The following RIMBP2 variants were observed in gnomAD, a reference collection of about 807,000 sequenced individuals.
RIMBP2 encodes RIMS binding protein 2.
In RIMBP2, 48 loss-of-function variants were observed where a neutral mutation model predicts 118.6. That is an observed-to-expected ratio of 0.40 (90% CI 0.32 to 0.51). The LOEUF (loss-of-function observed/expected upper bound fraction) is 0.51, where lower values mean the gene tolerates loss of function less well. RIMBP2 is among the 20% of genes least tolerant of loss of function. The pLI, the probability that RIMBP2 is intolerant of heterozygous loss-of-function variation, is 0.41. For synonymous variants in RIMBP2, 762 were observed against 742.9 expected (o/e 1.03, Z -0.42); for missense variants, 1,551 against 1,768.3 (o/e 0.88, Z 2.20).
At chr12:130,595,210 A>T (rs1356481426) in intron 2 of RIMBP2, among the ~76,000 whole-genome samples, 1 of 152,138 alleles carries the variant, frequency 6.6e-6, no homozygotes, top group Non-Finnish European at 1.5e-5. Context: ...CATCTCTCTC[A>T]GCAAACCATG....
chr12:130,418,322 G>GA (rs2076218724), intron 17 of RIMBP2, among the ~76,000 whole-genome samples: 1 of 152,150 alleles, frequency 6.6e-6, no homozygotes, highest in Admixed American at 6.5e-5. Flanking sequence ...GATAGTCCAT[G>GA]AAAAAACCTG....
At chr12:130,705,622 G>A (rs2632607) in intron 1 of RIMBP2, among the ~76,000 whole-genome samples, 85,655 of 152,176 alleles carry the variant, frequency 0.56, 27,559 homozygotes, top group Non-Finnish European at 0.74. Context: ...CGGTTCTCAC[G>A]CCTCTCCTGC....
At position 130,454,670 on chromosome 12, in the gene RIMBP2, T is replaced by C. The variant is rs376765927; in HGVS notation, c.358+1826A>G. Among the ~76,000 whole-genome samples the C allele has an allele frequency of 5.8e-3, 882 of 152,388 alleles. 8 individuals carry two copies. The highest frequency in any genetic ancestry group is 0.02 in the African/African-American group (847 of 41,594). On this transcript the variant is annotated intron_variant, in intron 7 of 22. Transcript: ENST00000690449. Reference sequence around the variant, plus strand: ...TCTCTGCCAGGCGGCCCTGGCTTAGTAAAGGCATGGTACCACTTTGTTTTT... The same window carrying C: ...TCTCTGCCAGGCGGCCCTGGCTTAGCAAAGGCATGGTACCACTTTGTTTTT...
At position 130,646,435 on chromosome 12, in the gene RIMBP2, CTCCCTT is replaced by C; in HGVS notation, c.-351-17985_-351-17980del. Among the ~76,000 whole-genome samples, 25 of 126,110 alleles carry C rather than the reference CTCCCTT, an allele frequency of 2.0e-4. 10 individuals carry two copies. The highest frequency in any genetic ancestry group is 2.0e-4 in the Non-Finnish European group (11 of 55,214). The allele number at this position is 126,110 out of a possible 152,430, so 82.7% of individuals were successfully genotyped here. On this transcript the variant is annotated intron_variant, in intron 1 of 22. Coordinates refer to ENST00000690449, the MANE Select transcript of RIMBP2 (RefSeq NM_001393629.1). ...CCTCCCTCACCACTTCCCTCTCCACCTCCCTTGCCACCTCCCTCGCCACCTCCCTCG... is the reference window on the plus strand; with the variant it reads ...CCTCCCTCACCACTTCCCTCTCCACCGCCACCTCCCTCGCCACCTCCCTCG...
chr12:130,553,528 G>A (rs1347098227), intron 2 of RIMBP2, among the ~76,000 whole-genome samples: 2 of 152,094 alleles, frequency 1.3e-5, no homozygotes, highest in Non-Finnish European at 2.9e-5. Context: ...TGGATTGCTT[G>A]AGCCCAGGAG....
rs767555020 is a variant in RIMBP2 at position 130,538,472 on chromosome 12, G to A, written c.-216-20555C>T. ...AAGAAAGATCACACAGAGAATCCCC[G>A]AATCCACTCAACACTCCTCCAGCAC... is the stretch of plus-strand genomic sequence containing the variant. On this transcript the variant is annotated intron_variant, in intron 2 of 22. Coordinates refer to ENST00000690449, the MANE Select transcript of RIMBP2 (RefSeq NM_001393629.1). Among the ~76,000 whole-genome samples, 9 of 151,886 alleles carry A rather than the reference G, an allele frequency of 5.9e-5. No individual in the cohort carries two copies. In the South Asian group the frequency reaches 8.3e-4, roughly 14 times the overall value.
intron 11 of RIMBP2, among the ~76,000 whole-genome samples, chr12:130,439,861 GTCTGTGGGTGTGTGTATGTGGGTA>G (rs2077963583): frequency 7.0e-6 from 1 of 143,016 alleles, no homozygotes; most frequent in African/African-American, 2.7e-5. Context: ...CTGTGGGGGT[GTCTGTGGGTGTGTGTATGTGGGTA>G]TGTGTATGTG....
At chr12:130,425,955 G>C (rs1474409703) in intron 15 of RIMBP2, 1 of 152,294 alleles carries the variant, frequency 6.6e-6, no homozygotes, top group East Asian at 1.9e-4. Flanking sequence ...GGAGGCATCG[G>C]GGCACACACT....
chr12:130,650,958 T>TTAAAA (rs1555318449), intron 1 of RIMBP2, among the ~76,000 whole-genome samples: 9 of 125,628 alleles, frequency 7.2e-5, no homozygotes, highest in African/African-American at 1.8e-4. Context: ...TTGTTTTTTT[T>TTAAAA]AAAAAAAAAA....
intron 4 of RIMBP2, among the ~76,000 whole-genome samples, chr12:130,491,965 C>T (rs1452217054): frequency 1.3e-5 from 2 of 152,182 alleles, no homozygotes; most frequent in African/African-American, 4.8e-5. Flanking sequence ...GGATGTGACA[C>T]GGAACGAACG....
At chr12:130,694,353 C>T (rs1012024761) in intron 1 of RIMBP2, among the ~76,000 whole-genome samples, 7 of 152,210 alleles carry the variant, frequency 4.6e-5, no homozygotes, top group Non-Finnish European at 7.3e-5. Flanking sequence ...TCTCTCCCTA[C>T]CTAGGAGGCA....
At position 130,450,598 on chromosome 12, in the gene RIMBP2, CAT is replaced by C. The variant is rs2137355691; in HGVS notation, c.505-324_505-323del. 6.6e-6 allele frequency among the ~76,000 whole-genome samples: 1 copy of C among 152,056 alleles called. No individual in the cohort carries two copies. The highest frequency in any genetic ancestry group is 2.1e-4 in the South Asian group (1 of 4,804). ...GGGAGTCAGCGGCGTGGCCTTTTCT[CAT>C]AGGGGTGGGGGTAAAATTAAGCAGT... On this transcript the variant is annotated intron_variant, in intron 8 of 22. Transcript: ENST00000690449. This position sits in a 1 kb window ranked among gnomAD's most constrained non-coding sequence, Gnocchi z 4.8.
intron 6 of RIMBP2, 58 bp from the exon 7 acceptor site, chr12:130,456,758 G>GAACAGGCGCACACACATT: frequency 7.5e-7 from 1 of 1,335,622 alleles, no homozygotes; most frequent in Non-Finnish European, 1.0e-6. Flanking sequence ...GGAAATGTGT[G>GAACAGGCGCACACACATT]TGCGCCTGTT....
intron 4 of RIMBP2, among the ~76,000 whole-genome samples, chr12:130,490,748 C>T (rs749282448): frequency 6.6e-6 from 1 of 152,154 alleles, no homozygotes; most frequent in Non-Finnish European, 1.5e-5. Flanking sequence ...AAGGCTGAGA[C>T]CTGTGAGTTC....
At chr12:130,682,598 G>A (rs1436530962) in intron 1 of RIMBP2, among the ~76,000 whole-genome samples, 1 of 152,224 alleles carries the variant, frequency 6.6e-6, no homozygotes, top group East Asian at 1.9e-4. Flanking sequence ...ATAGCTGTAT[G>A]CTGTAAAACT....
intron 2 of RIMBP2, among the ~76,000 whole-genome samples, chr12:130,601,336 A>AAAG (rs56296124): frequency 6.2e-5 from 1 of 16,196 alleles, no homozygotes; most frequent in Non-Finnish European, 1.3e-4. Flanking sequence ...GAGGGCAGGC[A>AAAG]AAAAAAAAAA....
intron 4 of RIMBP2, among the ~76,000 whole-genome samples, chr12:130,479,257 T>C (rs527768529): frequency 2.0e-5 from 3 of 152,342 alleles, no homozygotes; most frequent in East Asian, 3.9e-4. Context: ...AGGTTCCAAA[T>C]GCAGCGAGCA....
At position 130,710,609 on chromosome 12, in the gene RIMBP2, G is replaced by A. The variant is rs1949844697; in HGVS notation, c.-352+5613C>T. Among the ~76,000 whole-genome samples, 1 of 152,014 alleles carries A rather than the reference G, an allele frequency of 6.6e-6. No individual in the cohort carries two copies. The highest frequency in any genetic ancestry group is 2.1e-4 in the South Asian group (1 of 4,818). ...AATAGGTCATGCCCTGCCTTCCTGG[G>A]TCCCACACAGATAGAGAAGTGGCAG... is the stretch of plus-strand genomic sequence containing the variant. On this transcript the variant is annotated intron_variant, in intron 1 of 22. Coordinates refer to ENST00000690449, the MANE Select transcript of RIMBP2 (RefSeq NM_001393629.1). The surrounding 1 kb of genome is among the most constrained non-coding windows in gnomAD (Gnocchi z 4.3).
Position 130,579,660 on chromosome 12 carries a change from C to T in RIMBP2, c.-217+48662G>A, listed in dbSNP as rs758226665. ...TGGTCTTAGGGACCCCCAGCACACTCCCCCATTGAGCACAAGCTCATTGAG... is the reference window on the plus strand; with the variant it reads ...TGGTCTTAGGGACCCCCAGCACACTTCCCCATTGAGCACAAGCTCATTGAG... On this transcript the variant is annotated intron_variant, in intron 2 of 22. Coordinates refer to ENST00000690449, the MANE Select transcript of RIMBP2 (RefSeq NM_001393629.1). Among the ~76,000 whole-genome samples, 324 of 152,208 alleles carry T rather than the reference C, an allele frequency of 2.1e-3. 3 individuals are homozygous for T. Among genetic ancestry groups the T allele is most frequent in the Non-Finnish European group, 3.3e-3 (226 of 68,028 alleles).
Sources: gnomAD v4.1 joint callset for allele counts (sites outside exome capture counted in the v4.1 genomes callset) on GRCh38, gnomAD v4.1.1 for gene constraint, Gnocchi (gnomAD v3.1) non-coding constraint, MANE v1.5 for transcripts, NCBI Gene and HGNC (gene_info 2026-07-23, HGNC 2026-07-21) for gene names.